Variants in TNRC6A observed in about 807,000 individuals in gnomAD.
TNRC6A encodes trinucleotide repeat containing adaptor 6A.
TNRC6A carries 44 observed loss-of-function variants against 221.2 expected under a neutral mutation model. The observed-to-expected ratio is 0.20, with a 90% CI of 0.16 to 0.26. The LOEUF (loss-of-function observed/expected upper bound fraction) is 0.26. Among genes scored for constraint, TNRC6A ranks in the 10% least tolerant of loss-of-function variants. TNRC6A has a pLI of 1.00. For missense variants in TNRC6A, 2,199 were observed against 2,404.4 expected (o/e 0.91, Z 1.79); for synonymous variants, 847 against 838.5 (o/e 1.01, Z -0.18).
chr16:24,634,817 C>T (rs1311456290), intron 1 of TNRC6A, among the ~76,000 whole-genome samples: 1 of 152,220 alleles, frequency 6.6e-6, no homozygotes, highest in Admixed American at 6.5e-5. Context: ...GGTTCAGTGG[C>T]ACCTGGCCTG....
intron 11 of TNRC6A, among the ~76,000 whole-genome samples, chr16:24,798,395 G>A (rs886792886): frequency 6.6e-6 from 1 of 152,194 alleles, no homozygotes; most frequent in Non-Finnish European, 1.5e-5. Context: ...TAGAAAACAA[G>A]GTCGGTGCTG....
intron 1 of TNRC6A, among the ~76,000 whole-genome samples, chr16:24,631,116 A>T (rs1210768970): frequency 6.6e-6 from 1 of 152,226 alleles, no homozygotes; most frequent in Non-Finnish European, 1.5e-5. Context: ...CTTGCCTTCC[A>T]AACACATATG....
chr16:24,679,069 G>A (rs989000171), intron 2 of TNRC6A, among the ~76,000 whole-genome samples: 13 of 147,844 alleles, frequency 8.8e-5, no homozygotes, highest in African/African-American at 2.0e-4. Flanking sequence ...CACAATCTCC[G>A]CTCACCGCAA....
At chr16:24,692,764 C>T (rs984886339) in intron 2 of TNRC6A, among the ~76,000 whole-genome samples, 3 of 151,620 alleles carry the variant, frequency 2.0e-5, no homozygotes, top group African/African-American at 7.3e-5. Context: ...TATATGGTGT[C>T]ATATTATACA....
intron 1 of TNRC6A, among the ~76,000 whole-genome samples, chr16:24,627,545 T>C (rs1316346350): frequency 2.0e-5 from 3 of 152,064 alleles, no homozygotes; most frequent in East Asian, 3.9e-4. Context: ...TCCCGCAGGC[T>C]TCCTTGGGAA....
At chr16:24,755,639 T>G (rs2151459423) in intron 3 of TNRC6A, among the ~76,000 whole-genome samples, 1 of 152,328 alleles carries the variant, frequency 6.6e-6, no homozygotes, top group South Asian at 2.1e-4. Context: ...CTTTAGATCC[T>G]GAGGTCTTAA....
intron 1 of TNRC6A, among the ~76,000 whole-genome samples, chr16:24,611,600 T>C (rs1900058925): frequency 6.6e-6 from 1 of 152,146 alleles, no homozygotes; most frequent in African/African-American, 2.4e-5. Flanking sequence ...GAGAGGCATC[T>C]CGTAGAGCTG....
At chr16:24,810,512 T>C (rs938844812) in intron 18 of TNRC6A, among the ~76,000 whole-genome samples, 24 of 152,176 alleles carry the variant, frequency 1.6e-4, no homozygotes, top group African/African-American at 5.1e-4. Context: ...TTAGGAGCAT[T>C]GAGTCAGGAA....
At chr16:24,627,295 C>A (rs137905242) in intron 1 of TNRC6A, among the ~76,000 whole-genome samples, 1 of 152,050 alleles carries the variant, frequency 6.6e-6, no homozygotes, top group African/African-American at 2.4e-5. Flanking sequence ...TTAAGAAAGG[C>A]TGTGCTTCAC....
chr16:24,809,663 A>C (rs2058504144), intron 18 of TNRC6A, among the ~76,000 whole-genome samples, 182 bp downstream of exon 18: 1 of 152,258 alleles, frequency 6.6e-6, no homozygotes. Flanking sequence ...GATGAAAAGC[A>C]GAATTTACCT....
At position 24,613,068 on chromosome 16, in the gene TNRC6A, ATCGCACCAT is replaced by A. The variant is rs1383515541; in HGVS notation, n.276+2586_276+2594del. Among the ~76,000 whole-genome samples, 6 of 142,796 alleles carry A rather than the reference ATCGCACCAT, an allele frequency of 4.2e-5. No individual in the cohort carries two copies. The East Asian group carries it at 1.3e-3, about 31-fold the overall frequency. The allele number at this position is 142,796 out of a possible 152,430, so 93.7% of individuals were successfully genotyped here. The stretch of plus-strand genomic sequence containing the variant: ...GAGGCAGAGTTTGCAGTGAGCCGAG[ATCGCACCAT>A]TGCGCTCTAACCTGGGTGACAGAGT... On this transcript the variant is annotated intron_variant and non_coding_transcript_variant, in intron 1 of 2. Coordinates refer to the TNRC6A transcript ENST00000566108.
At position 24,789,748 on chromosome 16, in the gene TNRC6A, C is replaced by T. The variant is rs778167006; in HGVS notation, c.1106C>T (p.Ala369Val). The part of the protein sequence containing the change: ...STLNSASNHG[A>V]WPVLENNGLA... ...TTGAATTCAGCTAGCAACCATGGTG[C>T]CTGGCCAGTATTAGAGAACAATGGA... Residue 369 changes from alanine (A) to valine (V), a missense_variant, in exon 6 of 25, where the codon GCC (alanine) becomes GTC (valine). Ala to Val is a moderately conservative substitution (Grantham distance 64, BLOSUM62 0). Coordinates refer to ENST00000395799, the MANE Select transcript of TNRC6A (RefSeq NM_014494.4). 46 of 1,614,158 alleles carry T rather than the reference C, an allele frequency of 2.8e-5. No individual in the cohort carries two copies. The highest frequency in any genetic ancestry group is 3.7e-5 in the Non-Finnish European group (44 of 1,180,022).
intron 2 of TNRC6A, among the ~76,000 whole-genome samples, chr16:24,743,475 A>G (rs1182382050): frequency 2.6e-5 from 4 of 151,964 alleles, no homozygotes; most frequent in African/African-American, 9.7e-5. Flanking sequence ...ACAGGCATGC[A>G]CCACCACACC....
At chr16:24,730,347 T>C (rs772736373) in intron 2 of TNRC6A, 47 bp downstream of exon 2, 5 of 1,591,658 alleles carry the variant, frequency 3.1e-6, no homozygotes, top group Non-Finnish European at 2.6e-6. Flanking sequence ...TAATCGTATA[T>C]TTCTACTCCG....
intron 2 of TNRC6A, among the ~76,000 whole-genome samples, chr16:24,672,174 T>C (rs1241659800): frequency 6.6e-6 from 1 of 152,212 alleles, no homozygotes; most frequent in African/African-American, 2.4e-5. Flanking sequence ...CAGGCTAGAG[T>C]GCAGTGGCGT....
intron 11 of TNRC6A, among the ~76,000 whole-genome samples, chr16:24,800,647 A>G (rs1051872449): frequency 6.6e-6 from 1 of 152,210 alleles, no homozygotes; most frequent in African/African-American, 2.4e-5. Context: ...GGAAGTTGCT[A>G]TGATGTCGTG....
chr16:24,794,113 C>A (rs1276776883), intron 7 of TNRC6A, among the ~76,000 whole-genome samples: 2 of 152,210 alleles, frequency 1.3e-5, no homozygotes, highest in East Asian at 3.9e-4. Flanking sequence ...GGTAGGAATC[C>A]CAAGGGCCAT....
intron 5 of TNRC6A, among the ~76,000 whole-genome samples, chr16:24,784,807 T>G (rs1390747005): frequency 6.6e-6 from 1 of 152,200 alleles, no homozygotes; most frequent in Non-Finnish European, 1.5e-5. Flanking sequence ...GACCAGAATC[T>G]GAGAACATTT....
intron 2 of TNRC6A, among the ~76,000 whole-genome samples, chr16:24,723,919 G>T (rs1426007340): frequency 3.3e-5 from 5 of 152,136 alleles, no homozygotes; most frequent in Non-Finnish European, 5.9e-5. Context: ...ACTATTTATA[G>T]TAGTGATAGT....
Sources: gnomAD v4.1 joint callset for allele counts (sites outside exome capture counted in the v4.1 genomes callset) on GRCh38, gnomAD v4.1.1 for gene constraint, MANE v1.5 for transcripts, NCBI Gene and HGNC (gene_info 2026-07-23, HGNC 2026-07-21) for gene names.